The following CLASRP variants were observed in gnomAD, a reference collection of about 807,000 sequenced individuals.
CLASRP encodes CLK4-associating serine/arginine rich protein.
A neutral mutation model predicts 99.9 loss-of-function variants in CLASRP; 52 were observed. The observed-to-expected ratio is 0.52, with a 90% CI of 0.42 to 0.66. CLASRP has a LOEUF of 0.66. CLASRP is among the 30% of genes least tolerant of loss of function. CLASRP has a pLI of 0.00. For synonymous variants in CLASRP, 379 were observed against 373.0 expected, an observed-to-expected ratio of 1.02 and a Z score of -0.18; for missense variants, 848 against 999.2, an observed-to-expected ratio of 0.85 and a Z score of 2.04.
At chr19:45,054,636 C>T (rs560000295) in intron 5 of CLASRP, among the ~76,000 whole-genome samples, 1 of 152,198 alleles carries the variant, frequency 6.6e-6, no homozygotes, top group Non-Finnish European at 1.5e-5. Context: ...CCACTGCTCC[C>T]TGTTGATGGA....
At chr19:45,069,551 A>C (rs151136359) in intron 18 of CLASRP, 1 of 542,608 alleles carries the variant, frequency 1.8e-6, no homozygotes, top group Non-Finnish European at 3.3e-6. Context: ...TTCCCCACTC[A>C]CCCACCGCCA....
At chr19:45,064,292 G>C (rs918174292) in intron 12 of CLASRP, 51 bp from the exon 13 acceptor site, 10 of 1,509,838 alleles carry the variant, frequency 6.6e-6, no homozygotes, top group Non-Finnish European at 8.8e-6. Context: ...GGGGCAGAGG[G>C]GGGCCGCGGC....
intron 5 of CLASRP, among the ~76,000 whole-genome samples, chr19:45,056,001 A>G (rs1234727616): frequency 6.6e-6 from 1 of 152,014 alleles, no homozygotes; most frequent in African/African-American, 2.4e-5. Context: ...GGTGCAGGAG[A>G]GCCCAGGTCA....
At chr19:45,068,328 C>A (rs1967144551) in intron 15 of CLASRP, 92 bp from the exon 16 acceptor site, 1 of 647,258 alleles carries the variant, frequency 1.5e-6, no homozygotes, top group Non-Finnish European at 2.8e-6. Flanking sequence ...CCCACCCCCC[C>A]CCCGCACAAA....
intron 2 of CLASRP, 57 bp from the exon 3 acceptor site, chr19:45,052,013 AG>A: frequency 7.6e-7 from 1 of 1,323,440 alleles, no homozygotes; most frequent in South Asian, 1.2e-5. Context: ...GTTGTGTGTG[AG>A]GGGGTGGGGT....
intron 5 of CLASRP, 133 bp downstream of exon 5, chr19:45,053,310 C>G: frequency 6.4e-6 from 5 of 775,324 alleles, no homozygotes; most frequent in Middle Eastern, 2.7e-4. Flanking sequence ...TCCAGCTCTA[C>G]GATAGACTCA....
At chr19:45,039,355 T>G (rs1971766126) in intron 1 of CLASRP, among the ~76,000 whole-genome samples, 1 of 141,250 alleles carries the variant, frequency 7.1e-6, no homozygotes, top group Non-Finnish European at 1.5e-5. Flanking sequence ...CGCCCCCTTG[T>G]CAAAAAAAAA....
intron 4 of CLASRP, 34 bp downstream of exon 4, chr19:45,052,926 C>T (rs774489415): frequency 1.4e-5 from 22 of 1,567,056 alleles, no homozygotes; most frequent in South Asian, 9.1e-5. Context: ...CCAGGCACAG[C>T]GTCATACCCA....
intron 5 of CLASRP, 105 bp from the exon 6 acceptor site, chr19:45,056,345 A>G (rs1972118366): frequency 5.5e-6 from 5 of 908,650 alleles, no homozygotes; most frequent in Non-Finnish European, 9.0e-6. Flanking sequence ...CCCAAGGTGC[A>G]CTGGGGTTGC....
Position 45,063,957 on chromosome 19 carries a change from TC to T in CLASRP, c.906-52del, listed in dbSNP as rs565768606. On this transcript the variant is annotated intron_variant, in intron 11 of 20. Coordinates refer to ENST00000221455, the MANE Select transcript of CLASRP (RefSeq NM_007056.3). ...GCTGTTGATCTGCTGTGTGTGCTGT[TC>T]CCGAAGAGGCTCCGGGAGCCTGAGC... 90 of 1,532,086 alleles carry T rather than the reference TC, an allele frequency of 5.9e-5. 1 individual carries two copies. In the South Asian group the frequency reaches 1.1e-3, roughly 18 times the overall value. 94.9% of individuals were successfully genotyped at this position (1,532,086 alleles called of 1,614,324 possible). A position where few individuals can be genotyped will look rare whatever the true frequency, so the allele number is the denominator to read the frequency against.
At chr19:45,056,380 C>G in intron 5 of CLASRP, 70 bp from the exon 6 acceptor site, 1 of 1,410,068 alleles carries the variant, frequency 7.1e-7, no homozygotes, top group Admixed American at 1.7e-5. Flanking sequence ...CCCACCGCAC[C>G]CTTGTGTTCC....
At chr19:45,055,616 C>T (rs371310981) in intron 5 of CLASRP, among the ~76,000 whole-genome samples, 4 of 152,270 alleles carry the variant, frequency 2.6e-5, no homozygotes, top group East Asian at 1.9e-4. Flanking sequence ...GGTGGATCAC[C>T]TGAGGTCGGG....
chr19:45,069,112 G>T lies in CLASRP; in HGVS notation c.1815G>T (p.Glu605Asp). ...KAAQEKMIQQ[E>D]HERQEREDEL... ...CACAAGAAAAGATGATCCAGCAGGA[G>T]CATGAGCGGCAGGTGAAGTGGGAAA... Residue 605 changes from glutamate (E) to aspartate (D), a missense_variant, in exon 17 of 21, where the codon GAG becomes GAT. Around this residue, in one of 8 missense-constraint regions of CLASRP, gnomAD observed 116 missense variants for 162.7 expected, o/e 0.71. Transcript: ENST00000221455. The T allele has an allele frequency of 6.2e-7, 1 of 1,614,184 alleles. No homozygotes were observed. The highest frequency in any genetic ancestry group is 8.5e-7 in the Non-Finnish European group (1 of 1,180,022).
At chr19:45,041,360 C>A (rs1050764575) in intron 2 of CLASRP, among the ~76,000 whole-genome samples, 1 of 152,108 alleles carries the variant, frequency 6.6e-6, no homozygotes, top group African/African-American at 2.4e-5. Context: ...CCTAAAAGAC[C>A]CTTGTGGTCT....
intron 6 of CLASRP, among the ~76,000 whole-genome samples, chr19:45,057,334 A>C (rs1972138654): frequency 6.6e-6 from 1 of 152,166 alleles, no homozygotes; most frequent in African/African-American, 2.4e-5. Flanking sequence ...TGGAGACTTC[A>C]GCCCTCGTCC....
chr19:45,069,726 A>G, intron 18 of CLASRP: 1 of 466,974 alleles, frequency 2.1e-6, no homozygotes, highest in African/African-American at 2.0e-5. Flanking sequence ...GGCCACTGTG[A>G]CGGAGACCAT....
chr19:45,042,511 TTATA>T (rs527367247), intron 2 of CLASRP, among the ~76,000 whole-genome samples: 1 of 148,514 alleles, frequency 6.7e-6, no homozygotes, highest in African/African-American at 2.5e-5. Flanking sequence ...AAAAAAAAAT[TTATA>T]TATATATATA....
chr19:45,051,960 T>TC (rs1463680527), intron 2 of CLASRP, 111 bp from the exon 3 acceptor site: 1 of 771,492 alleles, frequency 1.3e-6, no homozygotes, highest in Non-Finnish European at 2.2e-6. Flanking sequence ...AGAGTGAGGC[T>TC]CCATCTCAAA....
Position 45,070,920 on chromosome 19 carries a change from T to C in CLASRP, c.*75T>C. The C allele has an allele frequency of 2.1e-6, 2 of 932,544 alleles. No individual in the cohort carries two copies. The highest frequency in any genetic ancestry group is 1.5e-5 in the South Asian group (1 of 65,978). The allele number at this position is 932,544 out of a possible 1,614,324, so 57.8% of individuals were successfully genotyped here. A position where few individuals can be genotyped will look rare whatever the true frequency, so the allele number is the denominator to read the frequency against. ...GCTGTGATGCTGCTGGTTTTATCTC[T>C]AGTGAAATAAAGTCAAAAGTTATTT... On this transcript the variant is annotated 3_prime_UTR_variant, in exon 21 of 21. Transcript: ENST00000221455.
Sources: allele counts gnomAD v4.1 joint callset (sites outside exome capture counted in the v4.1 genomes callset), GRCh38; gene constraint gnomAD v4.1.1; regional missense constraint gnomAD v4.1.1; transcripts MANE v1.5; gene names NCBI Gene and HGNC (gene_info 2026-07-23, HGNC 2026-07-21).